Variants in MLLT11 observed in about 807,000 individuals in gnomAD.
MLLT11 encodes protein AF1q.
In MLLT11, 1 loss-of-function variant was observed where a neutral mutation model predicts 5.3. The observed-to-expected ratio is 0.19, with a 90% CI of 0.07 to 0.89. MLLT11 has a LOEUF of 0.89. MLLT11 is among the 40% of genes least tolerant of loss of function. MLLT11 has a pLI of 0.67. For missense variants in MLLT11, 87 were observed against 107.3 expected, an observed-to-expected ratio of 0.81 and a Z score of 0.83; for synonymous variants, 38 against 41.7, an observed-to-expected ratio of 0.91 and a Z score of 0.34.
At chr1:151,062,347 T>C (rs906589558) in intron 1 of MLLT11, among the ~76,000 whole-genome samples, 3 of 151,468 alleles carry the variant, frequency 2.0e-5, no homozygotes, top group Non-Finnish European at 2.9e-5. Flanking sequence ...TCTATGATTT[T>C]TTCCCCCCAT....
At chr1:151,063,507 G>A (rs1299087929) in intron 1 of MLLT11, among the ~76,000 whole-genome samples, 1 of 151,938 alleles carries the variant, frequency 6.6e-6, no homozygotes, top group Non-Finnish European at 1.5e-5. Context: ...CTCACCGCAA[G>A]CTCCGCCTCC....
chr1:151,064,271 G>A (rs1002064470), intron 1 of MLLT11, among the ~76,000 whole-genome samples: 1 of 152,120 alleles, frequency 6.6e-6, no homozygotes, highest in Non-Finnish European at 1.5e-5. Context: ...TGCCTGCCTC[G>A]GCCTCCCAAA....
chr1:151,063,050 G>A (rs1676428202), intron 1 of MLLT11, among the ~76,000 whole-genome samples: 2 of 152,150 alleles, frequency 1.3e-5, no homozygotes, highest in South Asian at 4.1e-4. Context: ...CTTCTCTGCT[G>A]AGTAATGCTC....
chr1:151,068,858 T>A lies in MLLT11; in HGVS notation c.*1361T>A, dbSNP rs1457372747. ...CCTTAGCCTCTCAAAGTGCTGAGAT[T>A]ACAGGCGTGAGCCACTGAGCCCGGC... On this transcript the variant is annotated 3_prime_UTR_variant, in exon 2 of 2. Transcript: ENST00000368921. 6.6e-6 allele frequency among the ~76,000 whole-genome samples: 1 copy of A among 152,256 alleles called. No homozygotes were observed. Among genetic ancestry groups the A allele is most frequent in the Non-Finnish European group, 1.5e-5 (1 of 68,046 alleles).
rs1476803142 is a variant in MLLT11 at position 151,068,021 on chromosome 1, T to C, written c.*524T>C. ...TTGCTTTTTTTTGATCCTGCTCTTA[T>C]ATTCTTTTTTTTCCTCAGAGAAATC... On this transcript the variant is annotated 3_prime_UTR_variant, in exon 2 of 2. Transcript: ENST00000368921. 4 of 242,974 alleles carry C rather than the reference T, an allele frequency of 1.6e-5. No homozygotes were observed. The highest frequency in any genetic ancestry group is 8.9e-5 in the African/African-American group (4 of 45,098). 15.1% of individuals were successfully genotyped at this position (242,974 alleles called of 1,614,324 possible). A position where few individuals can be genotyped will look rare whatever the true frequency, so the allele number is the denominator to read the frequency against.
At position 151,067,475 on chromosome 1, in the gene MLLT11, C is replaced by T; in HGVS notation, c.251C>T (p.Ser84Phe). The T allele has an allele frequency of 2.5e-6, 4 of 1,613,906 alleles. No individual in the cohort carries two copies. The highest frequency in any genetic ancestry group is 3.4e-6 in the Non-Finnish European group (4 of 1,180,008). The change falls in exon 2 of 2, where the codon TCC becomes TTC. Residue 84 changes from serine to phenylalanine, a missense_variant. Physicochemically the swap from Ser to Phe is radical, Grantham distance 155. Transcript: ENST00000368921. ...FWRAPIASIH[S>F]FELDLL is the part of the protein sequence containing the mutation. Reference sequence around the variant, plus strand: ...AGAGCTCCCATTGCCAGCATCCACTCCTTCGAACTGGACTTGCTCTAAGGC... The same window carrying T: ...AGAGCTCCCATTGCCAGCATCCACTTCTTCGAACTGGACTTGCTCTAAGGC...
At chr1:151,064,637 C>A (rs1267038667) in intron 1 of MLLT11, among the ~76,000 whole-genome samples, 1 of 152,188 alleles carries the variant, frequency 6.6e-6, no homozygotes, top group Non-Finnish European at 1.5e-5. Flanking sequence ...CTGAGGCACG[C>A]ATGGTGAGAT....
chr1:151,061,217 G>A (rs1676402105), intron 1 of MLLT11, among the ~76,000 whole-genome samples: 1 of 152,148 alleles, frequency 6.6e-6, no homozygotes, highest in Non-Finnish European at 1.5e-5. Flanking sequence ...AGGAATGCTA[G>A]TAGGAAAATC....
Position 151,068,353 on chromosome 1 carries a change from G to A in MLLT11, c.*856G>A, listed in dbSNP as rs924231109. 4.4e-6 allele frequency: 1 copy of A among 226,336 alleles called. No individual in the cohort carries two copies. The highest frequency in any genetic ancestry group is 9.6e-6 in the Non-Finnish European group (1 of 104,346). 14.0% of individuals were successfully genotyped at this position (226,336 alleles called of 1,614,324 possible). Reference sequence around the variant, plus strand: ...TTGCAATACGTAATACTGATCAGTGGGCACAGTTCTTCAGCTACATTGAGA... The same window carrying A: ...TTGCAATACGTAATACTGATCAGTGAGCACAGTTCTTCAGCTACATTGAGA... On this transcript the variant is annotated 3_prime_UTR_variant, in exon 2 of 2. Coordinates refer to ENST00000368921, the MANE Select transcript of MLLT11 (RefSeq NM_006818.4).
rs1676506667 is a variant in MLLT11, at chr1:151,068,540, T to C, written c.*1043T>C. Reference sequence around the variant, plus strand: ...CTCTTCACAAGAAAAGCCACAGAAATCTGAGAAATTAGCCTTGCTTTCACA... The same window carrying C: ...CTCTTCACAAGAAAAGCCACAGAAACCTGAGAAATTAGCCTTGCTTTCACA... On this transcript the variant is annotated 3_prime_UTR_variant, in exon 2 of 2. Coordinates refer to ENST00000368921, the MANE Select transcript of MLLT11 (RefSeq NM_006818.4). The C allele has an allele frequency of 5.1e-6, 1 of 195,858 alleles. No homozygotes were observed. Among genetic ancestry groups the C allele is most frequent in the Non-Finnish European group, 1.1e-5 (1 of 87,516 alleles). 12.1% of individuals were successfully genotyped at this position (195,858 alleles called of 1,614,324 possible).
At chr1:151,065,673 A>C (rs587765046) in intron 1 of MLLT11, among the ~76,000 whole-genome samples, 1 of 152,310 alleles carries the variant, frequency 6.6e-6, no homozygotes, top group African/African-American at 2.4e-5. Context: ...AGGATTTAGA[A>C]GGCAAGAAGG....
chr1:151,067,701 TG>T lies in MLLT11; in HGVS notation c.*206del. 1 of 634,640 alleles carries T rather than the reference TG, an allele frequency of 1.6e-6. No homozygotes were observed. The allele number at this position is 634,640 out of a possible 1,614,324, so 39.3% of individuals were successfully genotyped here. On this transcript the variant is annotated 3_prime_UTR_variant, in exon 2 of 2. Coordinates refer to ENST00000368921, the MANE Select transcript of MLLT11 (RefSeq NM_006818.4). The stretch of plus-strand genomic sequence containing the variant: ...AAAAGCCCTCAAGTCACAAAGTAAA[TG>T]GTTCAAGCAATGGAGTACTGGGTCA...
At chr1:151,064,556 T>A (rs1676450198) in intron 1 of MLLT11, among the ~76,000 whole-genome samples, 1 of 152,184 alleles carries the variant, frequency 6.6e-6, no homozygotes, top group Non-Finnish European at 1.5e-5. Flanking sequence ...GGACAGATTC[T>A]GGAAAAGAAT....
chr1:151,066,247 C>T lies in MLLT11; in HGVS notation c.-6-972C>T, dbSNP rs186723884. 1.2e-3 allele frequency among the ~76,000 whole-genome samples: 188 copies of T among 150,890 alleles called. 1 individual carries two copies. Among genetic ancestry groups the T allele is most frequent in the African/African-American group, 4.4e-3 (179 of 41,088 alleles). ...CACCCTGCTGGATTCCAGCAATTCTCGTGCCTCAGCCTCCCTAGTAGCTGG... is the reference window on the plus strand; with the variant it reads ...CACCCTGCTGGATTCCAGCAATTCTTGTGCCTCAGCCTCCCTAGTAGCTGG... On this transcript the variant is annotated intron_variant, in intron 1 of 1. Transcript: ENST00000368921.
intron 1 of MLLT11, among the ~76,000 whole-genome samples, chr1:151,065,570 C>T (rs1487045788): frequency 6.6e-6 from 1 of 152,118 alleles, no homozygotes; most frequent in Non-Finnish European, 1.5e-5. Context: ...AGGTAAAACT[C>T]TACAGGGTGT....
intron 1 of MLLT11, 142 bp from the exon 2 acceptor site, chr1:151,067,077 T>C: frequency 4.6e-6 from 3 of 650,240 alleles, no homozygotes; most frequent in South Asian, 4.7e-5. Flanking sequence ...GATTGGAGGA[T>C]ATACAATTTT....
Position 151,068,501 on chromosome 1 carries a change from G to A in MLLT11, c.*1004G>A, listed in dbSNP as rs749060133. On this transcript the variant is annotated 3_prime_UTR_variant, in exon 2 of 2. Transcript: ENST00000368921. ...ATAAAGACATTCAATCCCAGGACTGGAGTCTAATTTTCTCTCTTCACAAGA... is the reference window on the plus strand; with the variant it reads ...ATAAAGACATTCAATCCCAGGACTGAAGTCTAATTTTCTCTCTTCACAAGA... The A allele has an allele frequency of 1.0e-4, 21 of 207,806 alleles. No individual in the cohort carries two copies. The highest frequency in any genetic ancestry group is 4.9e-4 in the Admixed American group (8 of 16,386). 12.9% of individuals were successfully genotyped at this position (207,806 alleles called of 1,614,324 possible). A position where few individuals can be genotyped will look rare whatever the true frequency, so the allele number is the denominator to read the frequency against.
rs749300187 is a variant in MLLT11, at chr1:151,067,357, G to A, written c.133G>A (p.Val45Ile). ...CACCTACAAGGTCAAAGACAGCAGCGTTGGCAAAATGATCGGGCAAGCAAC... is the reference window on the plus strand; with the variant it reads ...CACCTACAAGGTCAAAGACAGCAGCATTGGCAAAATGATCGGGCAAGCAAC... ...TATYKVKDSS[V>I]GKMIGQATAA... Residue 45 changes from valine to isoleucine, a missense_variant, in exon 2 of 2, where the codon GTT becomes ATT. Physicochemically the swap from Val to Ile is conservative, Grantham distance 29 (BLOSUM62 3). Transcript: ENST00000368921. 4.0e-5 allele frequency: 65 copies of A among 1,614,156 alleles called. No homozygotes were observed. Among genetic ancestry groups the A allele is most frequent in the East Asian group, 6.7e-5 (3 of 44,882 alleles).
At chr1:151,063,486 C>T (rs185410484) in intron 1 of MLLT11, among the ~76,000 whole-genome samples, 20 of 152,208 alleles carry the variant, frequency 1.3e-4, no homozygotes, top group East Asian at 3.9e-4. Context: ...AGTGCAGTGG[C>T]GCTATCTCAG....
Sources: allele counts gnomAD v4.1 joint callset (sites outside exome capture counted in the v4.1 genomes callset), GRCh38; gene constraint gnomAD v4.1.1; transcripts MANE v1.5; gene names NCBI Gene and HGNC (gene_info 2026-07-23, HGNC 2026-07-21).